Variants in STK39 observed in about 807,000 individuals in gnomAD.
STK39 encodes the protein STE20/SPS1-related proline-alanine-rich protein kinase.
STK39 carries 20 observed loss-of-function variants against 77.8 expected under a neutral mutation model. That is an observed-to-expected ratio of 0.26 (90% confidence interval 0.18 to 0.37). The LOEUF (loss-of-function observed/expected upper bound fraction) is 0.37. STK39 is among the 10% of genes least tolerant of loss of function. The probability of loss-of-function intolerance (pLI) is 1.00; values close to 1 mark genes in which losing one functional copy is unlikely to be tolerated. For missense variants in STK39, 479 were observed against 656.5 expected (o/e 0.73, Z 2.95); for synonymous variants, 246 against 234.1 (o/e 1.05, Z -0.47).
At chr2:167,991,313 A>G (rs1293294536) in intron 16 of STK39, among the ~76,000 whole-genome samples, 1 of 146,088 alleles carries the variant, frequency 6.8e-6, no homozygotes, top group Non-Finnish European at 1.5e-5. Flanking sequence ...ATTGTCATTA[A>G]CACTGGAATA....
intron 3 of STK39, among the ~76,000 whole-genome samples, chr2:168,165,994 G>A (rs1688686860): frequency 6.6e-6 from 1 of 152,178 alleles, no homozygotes; most frequent in Non-Finnish European, 1.5e-5. Context: ...TATGCTGGGT[G>A]TTCCCAAGGA....
rs370403014 is a variant in STK39, at chr2:168,129,523, A to G, written c.1089+18T>C. On this transcript the variant is annotated intron_variant, in intron 10 of 17. Coordinates refer to ENST00000355999, the MANE Select transcript of STK39 (RefSeq NM_013233.3). ...GGGGATTGGTTCCTACAGGGTCATG[A>G]AGGCTAATGGCACTTACCTTTTTGG... 1.8e-5 allele frequency: 29 copies of G among 1,613,922 alleles called. No homozygotes were observed. Among genetic ancestry groups the G allele is most frequent in the Non-Finnish European group, 2.5e-5 (29 of 1,179,904 alleles).
Position 168,171,310 on chromosome 2 carries a change from A to G in STK39, c.322-3903T>C, listed in dbSNP as rs141603495. 4.6e-5 allele frequency among the ~76,000 whole-genome samples: 7 copies of G among 152,202 alleles called. 1 individual carries two copies. In the East Asian group the frequency reaches 1.4e-3, roughly 29 times the overall value. On this transcript the variant is annotated intron_variant, in intron 2 of 17. Transcript: ENST00000355999. ...ACATATCAAAGAAGGACACCCACAC[A>G]CTGCTGTTATGCCAGCCCTGCAAAA...
intron 10 of STK39, among the ~76,000 whole-genome samples, chr2:168,101,076 A>C (rs1037858722): frequency 2.0e-5 from 3 of 152,212 alleles, no homozygotes; most frequent in Non-Finnish European, 4.4e-5. Flanking sequence ...ATGAAGCTGG[A>C]AACCATCATT....
rs148296431 is a variant in STK39 at position 168,052,473 on chromosome 2, A to C, written c.1376+11027T>G. On this transcript the variant is annotated intron_variant, in intron 14 of 17. Transcript: ENST00000355999. Reference sequence around the variant, plus strand: ...CAAAAGGATTAATTTGCCTTGGAAAAAAAGCAATCTAGCAAAGGAGTATTT... The same window carrying C: ...CAAAAGGATTAATTTGCCTTGGAAACAAAGCAATCTAGCAAAGGAGTATTT... Among the ~76,000 whole-genome samples, 1,344 of 152,380 alleles carry C rather than the reference A, an allele frequency of 8.8e-3. 18 individuals carry two copies. Among genetic ancestry groups the C allele is most frequent in the African/African-American group, 0.031 (1,285 of 41,594 alleles).
chr2:168,193,922 C>T lies in STK39; in HGVS notation c.209-11832G>A, dbSNP rs1337713520. 3.3e-5 allele frequency among the ~76,000 whole-genome samples: 5 copies of T among 152,098 alleles called. No individual in the cohort carries two copies. The South Asian group carries it at 1.0e-3, about 32-fold the overall frequency. On this transcript the variant is annotated intron_variant, in intron 1 of 17. Transcript: ENST00000355999. ...CCCCGAAGGGGCCAGGTACCCACCT[C>T]CTAATAAGGGAATCGAGTTTAGGCC...
At chr2:168,025,946 T>G (rs6717944) in intron 14 of STK39, among the ~76,000 whole-genome samples, 2 of 152,148 alleles carry the variant, frequency 1.3e-5, no homozygotes, top group East Asian at 3.9e-4. Context: ...TTACCAGCAA[T>G]GACATTCAGT....
chr2:168,218,218 G>A (rs956996401), intron 1 of STK39, among the ~76,000 whole-genome samples: 2 of 152,204 alleles, frequency 1.3e-5, no homozygotes, highest in African/African-American at 4.8e-5. Context: ...TCTCTACTCT[G>A]AAACATCGGC....
chr2:168,224,103 T>TAA (rs1690247234), intron 1 of STK39, among the ~76,000 whole-genome samples: 1 of 152,100 alleles, frequency 6.6e-6, no homozygotes, highest in Admixed American at 6.5e-5. Context: ...GTTCTATATA[T>TAA]AATCATATTC....
intron 8 of STK39, among the ~76,000 whole-genome samples, chr2:168,135,835 A>C (rs1687818126): frequency 6.6e-6 from 1 of 152,218 alleles, no homozygotes; most frequent in South Asian, 2.1e-4. Flanking sequence ...CAATTGCACA[A>C]TAGTGAGAAC....
chr2:168,103,607 C>T (rs1379738653), intron 10 of STK39, among the ~76,000 whole-genome samples: 2 of 152,192 alleles, frequency 1.3e-5, no homozygotes, highest in Non-Finnish European at 2.9e-5. Context: ...TGATTCTTTG[C>T]ACATTCATGA....
intron 1 of STK39, among the ~76,000 whole-genome samples, chr2:168,183,931 A>G (rs1233438887): frequency 3.9e-5 from 6 of 152,064 alleles, no homozygotes; most frequent in African/African-American, 1.4e-4. Context: ...GGAGCCACAG[A>G]GAAAGTGCTA....
At chr2:167,965,897 T>C (rs1362440455) in intron 16 of STK39, among the ~76,000 whole-genome samples, 1 of 152,220 alleles carries the variant, frequency 6.6e-6, no homozygotes, top group East Asian at 1.9e-4. Flanking sequence ...GACAACAACC[T>C]AGATACATGG....
chr2:168,138,335 T>A lies in STK39; in HGVS notation c.841-114A>T, dbSNP rs553585028. The A allele has an allele frequency of 3.7e-6, 5 of 1,362,032 alleles. No individual in the cohort carries two copies. In the African/African-American group the frequency reaches 5.9e-5, roughly 16 times the overall value. 84.4% of individuals were successfully genotyped at this position (1,362,032 alleles called of 1,614,324 possible). ...ATCCTTGATTAGATACAAAGTGCTT[T>A]CCCATGATTTTAACTTTGCAGAAAT... is the stretch of plus-strand genomic sequence containing the variant. On this transcript the variant is annotated intron_variant, in intron 7 of 17. Transcript: ENST00000355999.
At chr2:168,000,005 A>G (rs1363187781) in intron 16 of STK39, among the ~76,000 whole-genome samples, 1 of 152,198 alleles carries the variant, frequency 6.6e-6, no homozygotes, top group Non-Finnish European at 1.5e-5. Flanking sequence ...GCAGGGAGCT[A>G]GTGAGACCAC....
At chr2:168,106,868 CGTAT>C (rs1686987850) in intron 10 of STK39, among the ~76,000 whole-genome samples, 1 of 152,036 alleles carries the variant, frequency 6.6e-6, no homozygotes, top group Non-Finnish European at 1.5e-5. Flanking sequence ...TACATAAATA[CGTAT>C]GTATGTATTA....
chr2:167,962,037 T>C (rs1691992556), intron 17 of STK39, among the ~76,000 whole-genome samples: 1 of 152,092 alleles, frequency 6.6e-6, no homozygotes, highest in African/African-American at 2.4e-5. Flanking sequence ...TTTTAAAGTG[T>C]CCCAGTGCTC....
chr2:168,108,255 T>C (rs1369555680), intron 10 of STK39, among the ~76,000 whole-genome samples: 2 of 152,194 alleles, frequency 1.3e-5, no homozygotes, highest in Admixed American at 1.3e-4. Context: ...GTTCTCTCAC[T>C]GCAGGCAAGA....
chr2:168,219,035 C>T (rs1278543563), intron 1 of STK39, among the ~76,000 whole-genome samples: 1 of 152,096 alleles, frequency 6.6e-6, no homozygotes, highest in African/African-American at 2.4e-5. Flanking sequence ...TCATATGAAT[C>T]AAGAATTTGG....
Sources: allele counts gnomAD v4.1 joint callset (sites outside exome capture counted in the v4.1 genomes callset), GRCh38; gene constraint gnomAD v4.1.1; transcripts MANE v1.5; gene names NCBI Gene and HGNC (gene_info 2026-07-23, HGNC 2026-07-21).